Variants in CATSPERE observed in about 807,000 individuals in gnomAD.
CATSPERE encodes the protein catsper channel auxiliary subunit epsilon.
A neutral mutation model predicts 114.1 loss-of-function variants in CATSPERE; 93 were observed. The observed-to-expected ratio is 0.81, with a 90% CI of 0.69 to 0.97. The LOEUF is 0.97. Among genes scored for constraint, CATSPERE ranks in the 50% least tolerant of loss-of-function variants. The pLI, the probability that CATSPERE is intolerant of heterozygous loss-of-function variation, is 0.00. For missense variants in CATSPERE, 1,058 were observed against 1,131.6 expected (o/e 0.93, Z 0.93); for synonymous variants, 341 against 384.1 (o/e 0.89, Z 1.31).
intron 11 of CATSPERE, among the ~76,000 whole-genome samples, chr1:244,579,195 A>G (rs1010898263): frequency 2.0e-5 from 3 of 152,214 alleles, no homozygotes; most frequent in Non-Finnish European, 4.4e-5. Flanking sequence ...GCTCACAGCA[A>G]TAGCAATCGG....
chr1:244,518,568 A>G, intron 7 of CATSPERE, 24 bp from the exon 8 acceptor site: 1 of 1,344,188 alleles, frequency 7.4e-7, no homozygotes, highest in Non-Finnish European at 1.1e-6. Flanking sequence ...ATAATAAAAA[A>G]TGAAATTTAA....
At chr1:244,495,742 A>G (rs192434329) in intron 6 of CATSPERE, among the ~76,000 whole-genome samples, 2 of 152,158 alleles carry the variant, frequency 1.3e-5, no homozygotes, top group East Asian at 3.9e-4. Context: ...TAATAATAAA[A>G]TATTTAAAAT....
At chr1:244,519,019 C>T (rs1677087406) in intron 8 of CATSPERE, among the ~76,000 whole-genome samples, 1 of 151,896 alleles carries the variant, frequency 6.6e-6, no homozygotes, top group African/African-American at 2.4e-5. Context: ...TGCCCGTACA[C>T]ACACATACAC....
Position 244,633,950 on chromosome 1 carries a change from C to T in CATSPERE, c.2649-1539C>T, listed in dbSNP as rs1376801966. Among the ~76,000 whole-genome samples the T allele has an allele frequency of 7.3e-5, 11 of 151,284 alleles. No individual in the cohort carries two copies. The highest frequency in any genetic ancestry group is 2.0e-4 in the Admixed American group (3 of 15,186). On this transcript the variant is annotated intron_variant, in intron 20 of 21. Transcript: ENST00000366534. This position sits in a 1 kb window ranked among gnomAD's most constrained non-coding sequence, Gnocchi z 4.1. ...TGCGATCTCCGCTCACTGCAACCTA[C>T]GCCTCCCGGTTCAAGCAATTCTCCT...
In CATSPERE at chr1:244,583,771, G is replaced by A. The variant is rs903356529; in HGVS notation, c.2010-93G>A. The A allele has an allele frequency of 4.1e-5, 47 of 1,142,996 alleles. No individual in the cohort carries two copies. In the Admixed American group the frequency reaches 4.5e-4, roughly 11 times the overall value. 70.8% of individuals were successfully genotyped at this position (1,142,996 alleles called of 1,614,324 possible). A position where few individuals can be genotyped will look rare whatever the true frequency, so the allele number is the denominator to read the frequency against. Reference sequence around the variant, plus strand: ...ATTGGCGTGGGAGGTCAATCACACCGTGCACATGGGACTTTGCACTTGCTC... The same window carrying A: ...ATTGGCGTGGGAGGTCAATCACACCATGCACATGGGACTTTGCACTTGCTC... On this transcript the variant is annotated intron_variant, in intron 12 of 21. Transcript: ENST00000366534.
intron 10 of CATSPERE, among the ~76,000 whole-genome samples, chr1:244,567,430 C>T (rs935680251): frequency 3.9e-5 from 6 of 152,152 alleles, no homozygotes; most frequent in African/African-American, 1.4e-4. Flanking sequence ...GGATAGTATC[C>T]TGAAGAGTGT....
At chr1:244,566,341 C>T (rs181017785) in intron 10 of CATSPERE, among the ~76,000 whole-genome samples, 25 of 152,108 alleles carry the variant, frequency 1.6e-4, no homozygotes, top group African/African-American at 5.1e-4. Context: ...CTATTAGGTC[C>T]GCTTGGTCCA....
chr1:244,524,261 G>A (rs984885263), intron 8 of CATSPERE, among the ~76,000 whole-genome samples: 3 of 149,556 alleles, frequency 2.0e-5, no homozygotes, highest in African/African-American at 7.6e-5. Context: ...TTAATAAATG[G>A]TGCTGGGAAA....
chr1:244,550,163 A>C (rs1288811390), intron 8 of CATSPERE, among the ~76,000 whole-genome samples: 2 of 151,968 alleles, frequency 1.3e-5, no homozygotes, highest in Non-Finnish European at 2.9e-5. Flanking sequence ...CTGGAACTAC[A>C]CCACTGGCTT....
rs376078369 is a variant in CATSPERE, at chr1:244,555,128, T to C, written c.1029+2314T>C. Among the ~76,000 whole-genome samples, 8 of 152,292 alleles carry C rather than the reference T, an allele frequency of 5.3e-5. No individual in the cohort carries two copies. The East Asian group carries it at 1.5e-3, about 29-fold the overall frequency. On this transcript the variant is annotated intron_variant, in intron 9 of 21. Transcript: ENST00000366534. The stretch of plus-strand genomic sequence containing the variant: ...CTGGCCAGGCACAGTGGCTCACACC[T>C]GAAATCCCAGCACTTTGGGAGGCCG...
intron 9 of CATSPERE, among the ~76,000 whole-genome samples, chr1:244,555,211 C>A (rs1661391086): frequency 6.6e-6 from 1 of 151,872 alleles, no homozygotes. Context: ...ATGGTGTAAC[C>A]CCATCTCTAC....
chr1:244,478,230 T>G (rs924608725), intron 4 of CATSPERE, among the ~76,000 whole-genome samples: 9 of 152,212 alleles, frequency 5.9e-5, no homozygotes, highest in Non-Finnish European at 7.3e-5. Context: ...ATGTTAAAGT[T>G]CATAGCCACC....
At chr1:244,604,010 G>A (rs550457344) in intron 17 of CATSPERE, among the ~76,000 whole-genome samples, 2 of 152,256 alleles carry the variant, frequency 1.3e-5, no homozygotes, top group South Asian at 2.1e-4. Context: ...CCAATAAATG[G>A]TAATAATTCA....
At chr1:244,490,885 G>GA (rs1002135874) in intron 6 of CATSPERE, among the ~76,000 whole-genome samples, 1 of 151,460 alleles carries the variant, frequency 6.6e-6, no homozygotes, top group African/African-American at 2.4e-5. Context: ...CCATAGTCTT[G>GA]AAAAAAAATT....
At chr1:244,487,035 A>G (rs954599550) in intron 5 of CATSPERE, among the ~76,000 whole-genome samples, 17 of 150,996 alleles carry the variant, frequency 1.1e-4, no homozygotes, top group Non-Finnish European at 1.9e-4. Flanking sequence ...CTCGTGGGCC[A>G]GGTACAGACG....
chr1:244,517,967 G>A (rs910302595), intron 7 of CATSPERE, among the ~76,000 whole-genome samples: 3 of 152,032 alleles, frequency 2.0e-5, no homozygotes, highest in African/African-American at 7.2e-5. Context: ...TTAAACAAAA[G>A]CAGTATTAGA....
chr1:244,609,643 A>C (rs1414142881), intron 18 of CATSPERE, among the ~76,000 whole-genome samples: 1 of 152,240 alleles, frequency 6.6e-6, no homozygotes, highest in Non-Finnish European at 1.5e-5. Context: ...ATAAGAAAAA[A>C]ATAATAAAAA....
exon 1 of CATSPERE, chr1:244,454,588 G>A (rs1397058972): frequency 6.6e-6 from 1 of 151,312 alleles, no homozygotes; most frequent in African/African-American, 2.4e-5. Flanking sequence ...AAGGGAACCC[G>A]GAAATCTGGT....
intron 11 of CATSPERE, among the ~76,000 whole-genome samples, chr1:244,576,681 C>T (rs933967362): frequency 6.6e-6 from 1 of 151,946 alleles, no homozygotes; most frequent in Non-Finnish European, 1.5e-5. Flanking sequence ...GAGCATTTTA[C>T]ATGTTACTTC....
Sources: gnomAD v4.1 joint callset for allele counts (sites outside exome capture counted in the v4.1 genomes callset) on GRCh38, gnomAD v4.1.1 for gene constraint, Gnocchi (gnomAD v3.1) non-coding constraint, MANE v1.5 for transcripts, NCBI Gene and HGNC (gene_info 2026-07-23, HGNC 2026-07-21) for gene names.